Variants in LTV1 observed in about 807,000 individuals in gnomAD.
LTV1 encodes protein LTV1 homolog.
In LTV1, 39 loss-of-function variants were observed where a neutral mutation model predicts 59.9. The observed-to-expected ratio is 0.65, with a 90% CI of 0.50 to 0.85. LTV1 has a LOEUF of 0.85. Ranked by LOEUF, LTV1 falls within the 40% of genes least tolerant of loss-of-function variation. The pLI is 0.00. For synonymous variants in LTV1, 171 were observed against 189.5 expected (o/e 0.90, Z 0.80); for missense variants, 493 against 549.1 (o/e 0.90, Z 1.02).
chr6:143,862,393 T>C lies in LTV1; in HGVS notation c.1063+150T>C, dbSNP rs1294574663. ...TGATGTCAGGAGTTCAAGACCAGCC[T>C]GGCCAACATGGTGAAACCCCGTGTC... is the stretch of plus-strand genomic sequence containing the variant. On this transcript the variant is annotated intron_variant, in intron 8 of 10. Transcript: ENST00000367576. This position sits in a 1 kb window ranked among gnomAD's most constrained non-coding sequence, Gnocchi z 4.2. The C allele has an allele frequency of 9.9e-6, 6 of 605,616 alleles. No homozygotes were observed. Among genetic ancestry groups the C allele is most frequent in the South Asian group, 7.1e-5 (3 of 42,450 alleles). 37.5% of individuals were successfully genotyped at this position (605,616 alleles called of 1,614,324 possible).
At chr6:143,858,134 C>G (rs1777109806) in intron 6 of LTV1, 127 bp downstream of exon 6, 3 of 845,126 alleles carry the variant, frequency 3.5e-6, no homozygotes, top group African/African-American at 3.4e-5. Context: ...AAGTTTACAA[C>G]TATCCAGCTA....
chr6:143,848,763 G>A (rs1455142473), intron 3 of LTV1, among the ~76,000 whole-genome samples: 1 of 152,232 alleles, frequency 6.6e-6, no homozygotes, highest in Non-Finnish European at 1.5e-5. Flanking sequence ...GAAGTTCTAG[G>A]ACAGTGATCA....
chr6:143,861,946 G>A (rs1421731102), intron 7 of LTV1, among the ~76,000 whole-genome samples, 158 bp from the exon 8 acceptor site: 1 of 152,202 alleles, frequency 6.6e-6, no homozygotes, highest in Non-Finnish European at 1.5e-5. Flanking sequence ...GGGCTGGGTA[G>A]AACAGAGTTT....
In LTV1 at chr6:143,843,422, G is replaced by C; in HGVS notation, c.-56G>C. 6.2e-7 allele frequency: 1 copy of C among 1,610,934 alleles called. No homozygotes were observed. On this transcript the variant is annotated 5_prime_UTR_variant, in exon 1 of 11. Transcript: ENST00000367576. ...CAGCTGGACCTTGGTCTCCCCGCCG[G>C]ACTTCGAGGGTGTCATCGCCGCCCC...
At chr6:143,847,425 G>C (rs1293844979) in intron 3 of LTV1, among the ~76,000 whole-genome samples, 1 of 152,214 alleles carries the variant, frequency 6.6e-6, no homozygotes, top group Non-Finnish European at 1.5e-5. Context: ...GCAGTGGCAC[G>C]ATCTCGGCTC....
In LTV1 at chr6:143,857,704, G is replaced by T. The variant is rs1777099566; in HGVS notation, c.540-48G>T. On this transcript the variant is annotated intron_variant, in intron 5 of 10. Coordinates refer to ENST00000367576, the MANE Select transcript of LTV1 (RefSeq NM_032860.5). The surrounding 1 kb of genome is among the most constrained non-coding windows in gnomAD (Gnocchi z 5.2). ...TACTTGTGTAAAGTGGTTTTGTTCT[G>T]TTACTTTTTAAGTTGTTTTGGTAGG... 1 of 1,604,596 alleles carries T rather than the reference G, an allele frequency of 6.2e-7. No individual in the cohort carries two copies. Among genetic ancestry groups the T allele is most frequent in the South Asian group, 1.1e-5 (1 of 90,740 alleles).
chr6:143,848,889 G>A (rs1165989816), intron 3 of LTV1, among the ~76,000 whole-genome samples: 4 of 152,208 alleles, frequency 2.6e-5, no homozygotes, highest in South Asian at 2.1e-4. Context: ...CTGTGGTTCC[G>A]TGTCAGGCAC....
chr6:143,858,522 A>G (rs1407153977), intron 6 of LTV1: 2 of 156,466 alleles, frequency 1.3e-5, no homozygotes, highest in Non-Finnish European at 2.8e-5. Flanking sequence ...AAGGGCAGAG[A>G]GTTTTTTATA....
rs1480740094 is a variant in LTV1 at position 143,863,615 on chromosome 6, GC to G, written c.*90del. ...AAACTTCAGAAAGACAAAACTGTTT[GC>G]CATTTTTACTGGCAGATAAGAGGAA... On this transcript the variant is annotated 3_prime_UTR_variant, in exon 11 of 11. Coordinates refer to ENST00000367576, the MANE Select transcript of LTV1 (RefSeq NM_032860.5). This position sits in a 1 kb window ranked among gnomAD's most constrained non-coding sequence, Gnocchi z 4.5. 1.6e-5 allele frequency: 13 copies of G among 817,124 alleles called. No homozygotes were observed. The highest frequency in any genetic ancestry group is 8.3e-5 in the Admixed American group (3 of 36,206). The allele number at this position is 817,124 out of a possible 1,614,324, so 50.6% of individuals were successfully genotyped here.
rs752618563 is a variant in LTV1 at position 143,846,151 on chromosome 6, C to T, written c.236C>T (p.Ser79Leu). 1.2e-6 allele frequency: 2 copies of T among 1,614,074 alleles called. No homozygotes were observed. Among genetic ancestry groups the T allele is most frequent in the African/African-American group, 2.7e-5 (2 of 74,930 alleles). Reference protein sequence around the residue: ...LQHLKEPSGPSELIPSSTFSA... With the variant: ...LQHLKEPSGPLELIPSSTFSA... ...CACCTGAAGGAACCATCTGGGCCTT[C>T]AGAGCTTATTCCCTCAAGTACCTTC... Residue 79 changes from serine (S) to leucine (L), a missense_variant, in exon 3 of 11, where the codon TCA becomes TTA. Transcript: ENST00000367576.
At chr6:143,859,864 G>A (rs1472182907) in intron 6 of LTV1, among the ~76,000 whole-genome samples, 1 of 152,188 alleles carries the variant, frequency 6.6e-6, no homozygotes, top group African/African-American at 2.4e-5. Context: ...AGAACTGTGG[G>A]AGGCCGAAGC....
intron 6 of LTV1, among the ~76,000 whole-genome samples, 190 bp from the exon 7 acceptor site, chr6:143,860,236 A>C (rs570452674): frequency 7.9e-5 from 12 of 152,352 alleles, no homozygotes; most frequent in African/African-American, 2.6e-4. Flanking sequence ...GTAAGTCTTA[A>C]AGTACTGAGC....
At chr6:143,846,285 A>C in intron 3 of LTV1, 61 bp downstream of exon 3, 1 of 1,509,884 alleles carries the variant, frequency 6.6e-7, no homozygotes, top group Non-Finnish European at 9.0e-7. Context: ...TTGAATCAAG[A>C]TATCTGTTTG....
At chr6:143,858,431 A>G (rs1414867898) in intron 6 of LTV1, 3 of 175,738 alleles carry the variant, frequency 1.7e-5, no homozygotes, top group African/African-American at 7.1e-5. Flanking sequence ...TGGCCCTTAA[A>G]CCCTCACCAT....
chr6:143,860,528 G>C lies in LTV1; in HGVS notation c.898G>C (p.Asp300His). The change falls in exon 7 of 11, where the codon GAC becomes CAC. Residue 300 changes from aspartate to histidine, a missense_variant. By Grantham distance (81) the Asp-to-His change is moderately conservative. Coordinates refer to ENST00000367576, the MANE Select transcript of LTV1 (RefSeq NM_032860.5). ...CAATCGCTTACAGGAAGTTTTGAATGACTACTATAAAGAGAAGGCAGAGAA... is the reference window on the plus strand; with the variant it reads ...CAATCGCTTACAGGAAGTTTTGAATCACTACTATAAAGAGAAGGCAGAGAA... ...DSNRLQEVLN[D>H]YYKEKAENCV... 6.2e-7 allele frequency: 1 copy of C among 1,613,608 alleles called. No homozygotes were observed. Among genetic ancestry groups the C allele is most frequent in the Non-Finnish European group, 8.5e-7 (1 of 1,179,770 alleles).
chr6:143,844,677 T>C (rs1776861049), intron 2 of LTV1, 60 bp downstream of exon 2: 4 of 1,539,912 alleles, frequency 2.6e-6, no homozygotes, highest in Admixed American at 4.3e-5. Context: ...TTTTTCTTTT[T>C]TTTTTTTTAA....
At chr6:143,847,871 C>T (rs187219396) in intron 3 of LTV1, among the ~76,000 whole-genome samples, 1 of 152,204 alleles carries the variant, frequency 6.6e-6, no homozygotes, top group Non-Finnish European at 1.5e-5. Flanking sequence ...TAATTTGTAA[C>T]ACACCACCAA....
At chr6:143,851,029 G>A (rs1159001173) in intron 4 of LTV1, among the ~76,000 whole-genome samples, 2 of 152,084 alleles carry the variant, frequency 1.3e-5, no homozygotes, top group Non-Finnish European at 2.9e-5. Flanking sequence ...AAGAAGGAGG[G>A]GGAGGGGTGG....
At chr6:143,854,143 T>G (rs745320578) in intron 4 of LTV1, among the ~76,000 whole-genome samples, 1 of 152,238 alleles carries the variant, frequency 6.6e-6, no homozygotes, top group Non-Finnish European at 1.5e-5. Context: ...TATTGGTCTA[T>G]TCAGGGATTC....
Sources: allele counts gnomAD v4.1 joint callset (sites outside exome capture counted in the v4.1 genomes callset), GRCh38; gene constraint gnomAD v4.1.1; non-coding constraint Gnocchi (gnomAD v3.1); transcripts MANE v1.5; gene names NCBI Gene and HGNC (gene_info 2026-07-23, HGNC 2026-07-21).